MRLN: variants seen among roughly 807,000 people sequenced by gnomAD.
MRLN encodes the protein Linc-RNA activator of myogenesis.
chr10:59,747,540 C>A (rs1404355482), intron 1 of MRLN, among the ~76,000 whole-genome samples: 2 of 152,206 alleles, frequency 1.3e-5, no homozygotes, highest in Non-Finnish European at 2.9e-5. Context: ...ATGAATCATT[C>A]TTCTCAAGTT....
At chr10:59,746,267 G>A (rs1364225975) in intron 1 of MRLN, among the ~76,000 whole-genome samples, 18 of 152,080 alleles carry the variant, frequency 1.2e-4, no homozygotes, top group Non-Finnish European at 2.9e-5. Context: ...TGAAAAATGA[G>A]ACACAGTTGA....
intron 1 of MRLN, among the ~76,000 whole-genome samples, chr10:59,743,309 C>CTGTT (rs911974781): frequency 4.8e-4 from 72 of 148,522 alleles, no homozygotes; most frequent in African/African-American, 1.6e-3. Flanking sequence ...AGTCTCATTA[C>CTGTT]TGTTAGTCTT....
At chr10:59,740,314 A>G (rs1394773637) in intron 1 of MRLN, among the ~76,000 whole-genome samples, 1 of 152,072 alleles carries the variant, frequency 6.6e-6, no homozygotes, top group African/African-American at 2.4e-5. Context: ...AGTTGTATTG[A>G]CTATACTATA....
intron 1 of MRLN, among the ~76,000 whole-genome samples, chr10:59,741,838 C>T (rs1435271439): frequency 6.6e-6 from 1 of 152,096 alleles, no homozygotes; most frequent in Non-Finnish European, 1.5e-5. Context: ...ACCGCCTTGC[C>T]TGGCTAATTT....
intron 1 of MRLN, among the ~76,000 whole-genome samples, chr10:59,751,259 C>T (rs1368131499): frequency 6.6e-6 from 1 of 152,130 alleles, no homozygotes; most frequent in South Asian, 2.1e-4. Context: ...TAGCATTTTC[C>T]ACAGAGCTTG....
At chr10:59,740,366 T>C (rs1840969470) in intron 1 of MRLN, among the ~76,000 whole-genome samples, 1 of 152,162 alleles carries the variant, frequency 6.6e-6, no homozygotes, top group African/African-American at 2.4e-5. Context: ...CTTATCTTTT[T>C]AAAAGTTAAC....
At chr10:59,750,394 C>T (rs1412786820) in intron 1 of MRLN, among the ~76,000 whole-genome samples, 2 of 152,300 alleles carry the variant, frequency 1.3e-5, no homozygotes, top group South Asian at 2.1e-4. Flanking sequence ...TTTAGGTCAA[C>T]ATCTGTTCAG....
intron 1 of MRLN, among the ~76,000 whole-genome samples, chr10:59,740,346 A>G (rs551300865): frequency 2.0e-5 from 3 of 152,160 alleles, no homozygotes; most frequent in Non-Finnish European, 2.9e-5. Flanking sequence ...TTTAGAGTGC[A>G]CTCCTTGTCC....
intron 1 of MRLN, among the ~76,000 whole-genome samples, chr10:59,744,397 T>A (rs1225929722): frequency 2.0e-5 from 3 of 149,864 alleles, no homozygotes; most frequent in Non-Finnish European, 4.4e-5. Context: ...AGCTGCTCCG[T>A]CTGAGAAGTG....
chr10:59,737,467 A>G (rs1476489337), intron 2 of MRLN, among the ~76,000 whole-genome samples: 1 of 152,108 alleles, frequency 6.6e-6, no homozygotes, highest in African/African-American at 2.4e-5. Flanking sequence ...CAAACAGCTC[A>G]AGGAACTTTC....
intron 1 of MRLN, among the ~76,000 whole-genome samples, chr10:59,748,374 C>T (rs116593003): frequency 0.017 from 2,534 of 152,002 alleles, 79 homozygotes; most frequent in African/African-American, 0.059. Flanking sequence ...CAATTCTGCC[C>T]GAAGTTGAAT....
intron 1 of MRLN, among the ~76,000 whole-genome samples, chr10:59,741,733 G>T (rs374174815): frequency 3.3e-5 from 5 of 152,220 alleles, no homozygotes; most frequent in Non-Finnish European, 1.5e-5. Flanking sequence ...AGGCTGGAAT[G>T]TAGTGGTGTG....
chr10:59,746,069 T>C (rs1182280662), intron 1 of MRLN, among the ~76,000 whole-genome samples: 1 of 152,222 alleles, frequency 6.6e-6, no homozygotes, highest in Non-Finnish European at 1.5e-5. Context: ...TGAATATACT[T>C]TGCAAAGTCC....
intron 1 of MRLN, among the ~76,000 whole-genome samples, chr10:59,745,491 C>T (rs1035380737): frequency 1.7e-4 from 21 of 122,568 alleles, no homozygotes; most frequent in Admixed American, 1.5e-3. Flanking sequence ...AATTCCCCCC[C>T]CCACCCCCCA....
intron 1 of MRLN, among the ~76,000 whole-genome samples, chr10:59,740,722 T>C (rs1016921728): frequency 2.0e-5 from 3 of 152,100 alleles, no homozygotes; most frequent in Non-Finnish European, 4.4e-5. Flanking sequence ...AATTAAAAAG[T>C]TTATAAAGTA....
At chr10:59,737,408 T>C (rs1254886307) in intron 2 of MRLN, among the ~76,000 whole-genome samples, 188 bp from the exon 3 acceptor site, 1 of 152,186 alleles carries the variant, frequency 6.6e-6, no homozygotes, top group African/African-American at 2.4e-5. Context: ...CCACTTTCTG[T>C]CAAAATCACA....
intron 1 of MRLN, chr10:59,744,318 CCGTCTGGGAACTGAGGA>C (rs1461466742): frequency 6.4e-6 from 1 of 155,612 alleles, no homozygotes. Context: ...GGCCGCGACC[CCGTCTGGGAACTGAGGA>C]GTGTCTCTGC....
At chr10:59,741,924 G>C (rs973965074) in intron 1 of MRLN, among the ~76,000 whole-genome samples, 1 of 152,126 alleles carries the variant, frequency 6.6e-6, no homozygotes, top group Admixed American at 6.5e-5. Context: ...GCAATCCTGG[G>C]AGAACAGGAG....
intron 1 of MRLN, among the ~76,000 whole-genome samples, chr10:59,740,776 T>TTTTC (rs145234174): frequency 0.078 from 11,078 of 141,560 alleles, 479 homozygotes; most frequent in East Asian, 0.19. Context: ...TTTTTCTTTG[T>TTTTC]TTTCTTTCTT....
Sources: allele counts gnomAD v4.1 joint callset (sites outside exome capture counted in the v4.1 genomes callset), GRCh38; gene constraint gnomAD v4.1.1; transcripts MANE v1.5; gene names NCBI Gene and HGNC (gene_info 2026-07-23, HGNC 2026-07-21).